DCTN6: variants seen among roughly 807,000 people sequenced by gnomAD.
DCTN6 encodes the protein dynactin subunit 6, also known as dynactin 6.
A neutral mutation model predicts 25.8 loss-of-function variants in DCTN6; 15 were observed. That is an observed-to-expected ratio of 0.58 (90% confidence interval 0.39 to 0.89). DCTN6 has a LOEUF of 0.89. DCTN6 is among the 40% of genes least tolerant of loss of function. The pLI is 0.00. For synonymous variants in DCTN6, 64 were observed against 78.3 expected (o/e 0.82, Z 0.96); for missense variants, 198 against 237.6 (o/e 0.83, Z 1.09).
In DCTN6 at chr8:30,179,580, C is replaced by A. The variant is rs183063028; in HGVS notation, c.331+125C>A. The A allele has an allele frequency of 7.1e-6, 5 of 704,206 alleles. No homozygotes were observed. In the African/African-American group the frequency reaches 7.2e-5, roughly 10 times the overall value. The allele number at this position is 704,206 out of a possible 1,614,324, so 43.6% of individuals were successfully genotyped here. A position where few individuals can be genotyped will look rare whatever the true frequency, so the allele number is the denominator to read the frequency against. ...CTTGGAAGTGGGCTACAATAGCTGG[C>A]GAACTAATTGTTTGCCACTAAGGAA... is the stretch of plus-strand genomic sequence containing the variant. On this transcript the variant is annotated intron_variant, in intron 5 of 6. Coordinates refer to ENST00000221114, the MANE Select transcript of DCTN6 (RefSeq NM_006571.4).
chr8:30,172,145 C>A (rs933311033), intron 2 of DCTN6, among the ~76,000 whole-genome samples: 4 of 152,102 alleles, frequency 2.6e-5, no homozygotes, highest in Non-Finnish European at 4.4e-5. Context: ...AAAAGAAATC[C>A]ACTGCTCATT....
chr8:30,174,556 G>A (rs1399751492), intron 2 of DCTN6, among the ~76,000 whole-genome samples: 1 of 151,996 alleles, frequency 6.6e-6, no homozygotes, highest in East Asian at 1.9e-4. Flanking sequence ...GGCTGGTCTC[G>A]ATCTCCTGAC....
At chr8:30,159,619 A>G (rs1803572677) in intron 1 of DCTN6, among the ~76,000 whole-genome samples, 1 of 152,114 alleles carries the variant, frequency 6.6e-6, no homozygotes, top group African/African-American at 2.4e-5. Flanking sequence ...GACTGAGTTT[A>G]TCTAAAATTT....
chr8:30,167,584 G>A (rs1803699133), intron 2 of DCTN6, among the ~76,000 whole-genome samples: 1 of 152,154 alleles, frequency 6.6e-6, no homozygotes, highest in South Asian at 2.1e-4. Context: ...GCCTACTAAA[G>A]TGCTGGGATT....
In DCTN6 at chr8:30,183,071, T is replaced by G. The variant is rs778120146; in HGVS notation, c.475-4T>G. The stretch of plus-strand genomic sequence containing the variant: ...AATCGGCCTTAATTACCTTATCTTT[T>G]TAGCCCCAGACACTACAGCTGGATT... On this transcript the variant is annotated splice_polypyrimidine_tract_variant and splice_region_variant and intron_variant, in intron 6 of 6. Transcript: ENST00000221114. 1 of 1,613,834 alleles carries G rather than the reference T, an allele frequency of 6.2e-7. No homozygotes were observed. The highest frequency in any genetic ancestry group is 8.5e-7 in the Non-Finnish European group (1 of 1,179,812).
In DCTN6 at chr8:30,177,152, CTG is replaced by C; in HGVS notation, c.222_223del (p.Glu75ArgfsTer13). 6.2e-7 allele frequency: 1 copy of C among 1,613,716 alleles called. No individual in the cohort carries two copies. The highest frequency in any genetic ancestry group is 1.1e-5 in the South Asian group (1 of 91,072). ...TACCCAGATAATATCACTCCTGACA[CTG>C]AAGATCCAGAACCAAAACCTATGAT... On this transcript the variant is annotated frameshift_variant, in exon 4 of 7. Transcript: ENST00000221114. LOFTEE classifies it high-confidence loss of function.
intron 1 of DCTN6, among the ~76,000 whole-genome samples, chr8:30,159,763 CTTTTT>C (rs35699156): frequency 3.1e-5 from 4 of 129,668 alleles, no homozygotes; most frequent in Non-Finnish European, 1.7e-5. Context: ...GATTAGTTTT[CTTTTT>C]TTTTTTTTTT....
chr8:30,173,904 G>T (rs966520619), intron 2 of DCTN6, among the ~76,000 whole-genome samples: 2 of 152,050 alleles, frequency 1.3e-5, no homozygotes. Flanking sequence ...GGGGTACGTG[G>T]GATGGATATT....
intron 1 of DCTN6, among the ~76,000 whole-genome samples, chr8:30,161,475 G>C (rs1803593373): frequency 6.6e-6 from 1 of 152,054 alleles, no homozygotes; most frequent in South Asian, 2.1e-4. Flanking sequence ...TGACATTGTT[G>C]GCTTGGGAAT....
Position 30,164,125 on chromosome 8 carries a change from C to T in DCTN6, c.38C>T (p.Pro13Leu). 1 of 1,613,808 alleles carries T rather than the reference C, an allele frequency of 6.2e-7. No homozygotes were observed. Among genetic ancestry groups the T allele is most frequent in the Non-Finnish European group, 8.5e-7 (1 of 1,179,724 alleles). Residue 13 changes from proline to leucine, a missense_variant, in exon 2 of 7, where the codon CCT (proline) becomes CTT (leucine). Transcript: ENST00000221114. ...EKTQKSVKIA[P>L]GAVVCVESEI... ...TCTTGCTACAGTGTGAAGATTGCTC[C>T]TGGAGCAGTTGTATGTGTAGAAAGT...
Position 30,183,291 on chromosome 8 carries a change from A to G in DCTN6, c.*118A>G. 1 of 729,792 alleles carries G rather than the reference A, an allele frequency of 1.4e-6. No individual in the cohort carries two copies. Among genetic ancestry groups the G allele is most frequent in the South Asian group, 2.4e-5 (1 of 41,090 alleles). 45.2% of individuals were successfully genotyped at this position (729,792 alleles called of 1,614,324 possible). On this transcript the variant is annotated 3_prime_UTR_variant, in exon 7 of 7. Coordinates refer to ENST00000221114, the MANE Select transcript of DCTN6 (RefSeq NM_006571.4). ...ATAATACATGTTCACTTTATTTTGT[A>G]AAATTGGGTTGAGAGGAAACTAATG...
rs370710105 is a variant in DCTN6 at position 30,179,389 on chromosome 8, A to G, written c.284-19A>G. The G allele has an allele frequency of 5.0e-6, 8 of 1,603,338 alleles. No homozygotes were observed. Among genetic ancestry groups the G allele is most frequent in the African/African-American group, 4.0e-5 (3 of 74,692 alleles). On this transcript the variant is annotated intron_variant, in intron 4 of 6. Coordinates refer to ENST00000221114, the MANE Select transcript of DCTN6 (RefSeq NM_006571.4). ...AAAGATGAACATATTTGTAGTATTTACCTAACTCTGGCTTACAGATTCCCA... is the reference window on the plus strand; with the variant it reads ...AAAGATGAACATATTTGTAGTATTTGCCTAACTCTGGCTTACAGATTCCCA...
rs1364107952 is a variant in DCTN6 at position 30,161,618 on chromosome 8, G to A, written c.24-2493G>A. On this transcript the variant is annotated intron_variant, in intron 1 of 6. Transcript: ENST00000221114. Reference sequence around the variant, plus strand: ...CTCCCTTTCTCTTCATGATTTTTGTGCTTCTTCTCATTCAGTGATGTCCAA... The same window carrying A: ...CTCCCTTTCTCTTCATGATTTTTGTACTTCTTCTCATTCAGTGATGTCCAA... 2.0e-5 allele frequency among the ~76,000 whole-genome samples: 3 copies of A among 152,016 alleles called. No homozygotes were observed. The East Asian group carries it at 5.8e-4, about 29-fold the overall frequency.
chr8:30,173,892 G>C (rs1803796706), intron 2 of DCTN6, among the ~76,000 whole-genome samples: 1 of 152,018 alleles, frequency 6.6e-6, no homozygotes, highest in African/African-American at 2.4e-5. Context: ...CCTTGGTATT[G>C]AGGGGTACGT....
intron 2 of DCTN6, among the ~76,000 whole-genome samples, chr8:30,166,297 C>G (rs371551016): frequency 1.3e-5 from 2 of 150,736 alleles, no homozygotes; most frequent in Non-Finnish European, 3.0e-5. Flanking sequence ...ACAACAACCC[C>G]GTTTTGGTTT....
At chr8:30,160,939 T>C (rs1803586240) in intron 1 of DCTN6, among the ~76,000 whole-genome samples, 1 of 152,212 alleles carries the variant, frequency 6.6e-6, no homozygotes, top group Admixed American at 6.5e-5. Flanking sequence ...AATGTGTTTG[T>C]TGCCAAGTCT....
rs866841091 is a variant in DCTN6 at position 30,168,686 on chromosome 8, G to A, written c.88+4511G>A. Reference sequence around the variant, plus strand: ...TTCAGGCTAATGGAACTTTAAACCCGATCTGTTTTCCTAGAAAAGCAGGTA... The same window carrying A: ...TTCAGGCTAATGGAACTTTAAACCCAATCTGTTTTCCTAGAAAAGCAGGTA... On this transcript the variant is annotated intron_variant, in intron 2 of 6. Coordinates refer to ENST00000221114, the MANE Select transcript of DCTN6 (RefSeq NM_006571.4). Among the ~76,000 whole-genome samples the A allele has an allele frequency of 2.6e-5, 4 of 152,186 alleles. No individual in the cohort carries two copies. The Middle Eastern group carries it at 0.01, about 388-fold the overall frequency.
At chr8:30,159,179 G>A (rs1296444463) in intron 1 of DCTN6, among the ~76,000 whole-genome samples, 2 of 152,152 alleles carry the variant, frequency 1.3e-5, no homozygotes, top group Non-Finnish European at 2.9e-5. Context: ...CAAAATGATG[G>A]AAACAGCTGG....
At chr8:30,157,903 T>A (rs183723453) in intron 1 of DCTN6, among the ~76,000 whole-genome samples, 1 of 152,338 alleles carries the variant, frequency 6.6e-6, no homozygotes, top group Non-Finnish European at 1.5e-5. Context: ...ACAGATGTAC[T>A]ATAAATATTA....
Sources: gnomAD v4.1 joint callset for allele counts (sites outside exome capture counted in the v4.1 genomes callset) on GRCh38, gnomAD v4.1.1 for gene constraint, MANE v1.5 for transcripts, NCBI Gene and HGNC (gene_info 2026-07-23, HGNC 2026-07-21) for gene names.